Variants in ADK observed in about 807,000 individuals in gnomAD.
ADK encodes the protein adenosine kinase.
ADK carries 24 observed loss-of-function variants against 44.7 expected under a neutral mutation model. The ratio of observed to expected loss-of-function variants is 0.54; its 90% CI spans 0.39 to 0.76. The LOEUF is 0.76. Ranked by LOEUF, ADK falls within the 30% of genes least tolerant of loss-of-function variation. The pLI, the probability that ADK is intolerant of heterozygous loss-of-function variation, is 0.00. For missense variants in ADK, 321 were observed against 425.1 expected (o/e 0.76, Z 2.15); for synonymous variants, 128 against 142.6 (o/e 0.90, Z 0.73).
At chr10:74,696,017 TTTTTA>T (rs1279268443) in intron 10 of ADK, among the ~76,000 whole-genome samples, 2 of 152,012 alleles carry the variant, frequency 1.3e-5, no homozygotes, top group Non-Finnish European at 2.9e-5. Flanking sequence ...TAGTATTGAT[TTTTTA>T]TTTTATTTTA....
chr10:74,300,298 CCTTCCTTCCTTCT>C, intron 3 of ADK, among the ~76,000 whole-genome samples: 1 of 85,378 alleles, frequency 1.2e-5, no homozygotes, highest in Non-Finnish European at 2.3e-5. Flanking sequence ...TTCCTTCCTT[CCTTCCTTCCTTCT>C]TTCCTTCCTT....
intron 3 of ADK, among the ~76,000 whole-genome samples, chr10:74,255,577 C>T (rs1845796793): frequency 6.6e-6 from 1 of 152,096 alleles, no homozygotes; most frequent in Non-Finnish European, 1.5e-5. Flanking sequence ...ACATGAATGC[C>T]ATTCTTAGAA....
At chr10:74,220,406 AC>A (rs1488323840) in intron 2 of ADK, among the ~76,000 whole-genome samples, 4 of 151,360 alleles carry the variant, frequency 2.6e-5, no homozygotes, top group African/African-American at 2.4e-5. Flanking sequence ...AGAGTCCAGG[AC>A]CAGATGGATT....
chr10:74,326,493 G>A (rs545429561), intron 4 of ADK, among the ~76,000 whole-genome samples: 2 of 151,964 alleles, frequency 1.3e-5, no homozygotes, highest in South Asian at 4.2e-4. Flanking sequence ...GAGCTACTTG[G>A]GAGGCCTCTT....
chr10:74,316,836 C>A (rs991381359), intron 4 of ADK, among the ~76,000 whole-genome samples: 1 of 152,086 alleles, frequency 6.6e-6, no homozygotes, highest in Non-Finnish European at 1.5e-5. Context: ...CCTCAGCTTT[C>A]TCCCTGATAT....
intron 6 of ADK, among the ~76,000 whole-genome samples, chr10:74,475,397 A>G (rs1846789323): frequency 6.6e-6 from 1 of 152,048 alleles, no homozygotes; most frequent in South Asian, 2.1e-4. Flanking sequence ...TTGTTTCTCC[A>G]AGGATCACTG....
At chr10:74,704,626 GC>G (rs1856535529) in intron 10 of ADK, among the ~76,000 whole-genome samples, 1 of 152,178 alleles carries the variant, frequency 6.6e-6, no homozygotes, top group African/African-American at 2.4e-5. Flanking sequence ...ACTTGTCAAA[GC>G]AAAAGATTCT....
intron 10 of ADK, among the ~76,000 whole-genome samples, chr10:74,696,373 T>A (rs751457272): frequency 5.3e-5 from 8 of 151,640 alleles, no homozygotes; most frequent in African/African-American, 1.9e-4. Flanking sequence ...TGTTTTTGTT[T>A]TTGTTTTTTT....
intron 10 of ADK, among the ~76,000 whole-genome samples, chr10:74,680,488 C>T (rs1241320757): frequency 6.6e-6 from 1 of 151,834 alleles, no homozygotes; most frequent in African/African-American, 2.4e-5. Flanking sequence ...TGGGAGGTGG[C>T]TGAATGAAAT....
At chr10:74,366,713 T>G (rs1438830611) in intron 4 of ADK, among the ~76,000 whole-genome samples, 1 of 152,142 alleles carries the variant, frequency 6.6e-6, no homozygotes, top group Non-Finnish European at 1.5e-5. Context: ...GTGGATCACT[T>G]GAGTCTAGGA....
At chr10:74,684,549 T>C (rs1215246788) in intron 10 of ADK, among the ~76,000 whole-genome samples, 1 of 152,134 alleles carries the variant, frequency 6.6e-6, no homozygotes, top group African/African-American at 2.4e-5. Flanking sequence ...GGCAGGAAGA[T>C]TACTTGAGCC....
intron 10 of ADK, among the ~76,000 whole-genome samples, chr10:74,701,561 C>T (rs1207786480): frequency 6.6e-6 from 1 of 152,172 alleles, no homozygotes; most frequent in African/African-American, 2.4e-5. Flanking sequence ...ACGGGAGCCA[C>T]CAGCCTGAAC....
At chr10:74,166,509 G>A (rs1404361427) in intron 1 of ADK, among the ~76,000 whole-genome samples, 1 of 151,890 alleles carries the variant, frequency 6.6e-6, no homozygotes, top group Non-Finnish European at 1.5e-5. Flanking sequence ...TTGTAGAGAT[G>A]AGGTTTTGCC....
intron 6 of ADK, among the ~76,000 whole-genome samples, chr10:74,406,277 GC>G (rs1357879814): frequency 2.0e-5 from 3 of 151,996 alleles, no homozygotes; most frequent in Non-Finnish European, 4.4e-5. Flanking sequence ...TTGAAAGGAA[GC>G]CTGCTGCCAT....
intron 6 of ADK, among the ~76,000 whole-genome samples, chr10:74,421,559 G>A (rs1844556854): frequency 6.6e-6 from 1 of 152,144 alleles, no homozygotes; most frequent in Non-Finnish European, 1.5e-5. Flanking sequence ...TGTTTACTGA[G>A]AAGGCCTAGA....
chr10:74,613,953 T>C (rs1251501800), intron 9 of ADK, among the ~76,000 whole-genome samples: 1 of 152,144 alleles, frequency 6.6e-6, no homozygotes, highest in Non-Finnish European at 1.5e-5. Flanking sequence ...TGTATGGCAT[T>C]CATAGAAAAA....
chr10:74,393,992 CGTAA>C (rs1322352883), intron 4 of ADK, 145 bp from the exon 5 acceptor site: 6 of 807,266 alleles, frequency 7.4e-6, no homozygotes, highest in East Asian at 2.5e-5. Flanking sequence ...TTTTTTTAAT[CGTAA>C]GTGATAGCAC....
intron 1 of ADK, among the ~76,000 whole-genome samples, chr10:74,179,424 A>G (rs1842457957): frequency 6.6e-6 from 1 of 152,168 alleles, no homozygotes; most frequent in Non-Finnish European, 1.5e-5. Context: ...GGAGATAGTC[A>G]GAAGATACAG....
chr10:74,700,346 G>A (rs537536227), intron 10 of ADK, among the ~76,000 whole-genome samples: 1 of 152,248 alleles, frequency 6.6e-6, no homozygotes, highest in African/African-American at 2.4e-5. Flanking sequence ...GGGTTCAAGC[G>A]ATTCTTCTGC....
Sources: allele counts gnomAD v4.1 joint callset (sites outside exome capture counted in the v4.1 genomes callset), GRCh38; gene constraint gnomAD v4.1.1; transcripts MANE v1.5; gene names NCBI Gene and HGNC (gene_info 2026-07-23, HGNC 2026-07-21).